NOL8: variants seen among roughly 807,000 people sequenced by gnomAD.
NOL8 encodes nucleolar protein Nop132.
A neutral mutation model predicts 116.1 loss-of-function variants in NOL8; 93 were observed. The observed-to-expected ratio is 0.80, with a 90% confidence interval of 0.68 to 0.95. NOL8 has a LOEUF of 0.95. NOL8 is among the 40% of genes least tolerant of loss of function. The probability of loss-of-function intolerance (pLI) is 0.00; values close to 1 mark genes in which losing one functional copy is unlikely to be tolerated. For missense variants in NOL8, 1,291 were observed against 1,382.8 expected, an observed-to-expected ratio of 0.93 and a Z score of 1.05; for synonymous variants, 419 against 469.0, an observed-to-expected ratio of 0.89 and a Z score of 1.38.
chr9:92,300,119 G>T, intron 13 of NOL8, 103 bp from the exon 14 acceptor site: 1 of 1,431,772 alleles, frequency 7.0e-7, no homozygotes, highest in South Asian at 1.6e-5. Context: ...CATATCTAAA[G>T]TTCCAATATG....
At position 92,314,715 on chromosome 9, in the gene NOL8, T is replaced by C. The variant is rs778517404; in HGVS notation, c.1910A>G (p.Asn637Ser). The C allele has an allele frequency of 2.5e-6, 4 of 1,613,790 alleles. No homozygotes were observed. Among genetic ancestry groups the C allele is most frequent in the Non-Finnish European group, 3.4e-6 (4 of 1,179,814 alleles). The change falls in exon 7 of 17, where the codon AAT (asparagine) becomes AGT (serine). Residue 637 changes from asparagine to serine, a missense_variant. By Grantham distance (46) the Asn-to-Ser change is conservative (BLOSUM62 1). Transcript: ENST00000442668. ...VTPCQHAKKA[N>S]GPNYIQPQKR... ...TTGAGGCTGAATATAGTTTGGGCCA[T>C]TCGCCTTCTTTGCATGTTGGCATGG...
rs1380344031 is a variant in NOL8 at position 92,300,113 on chromosome 9, T to C, written c.3176-97A>G. ...TGATTACTTTTACCACGTAGACATA[T>C]CTAAAGTTCCAATATGTTAATCATT... On this transcript the variant is annotated intron_variant, in intron 13 of 16. Coordinates refer to ENST00000442668, the MANE Select transcript of NOL8 (RefSeq NM_017948.6). 3.1e-5 allele frequency: 45 copies of C among 1,468,430 alleles called. No individual in the cohort carries two copies. The Middle Eastern group carries it at 7.2e-4, about 24-fold the overall frequency. The allele number at this position is 1,468,430 out of a possible 1,614,324, so 91.0% of individuals were successfully genotyped here. A position where few individuals can be genotyped will look rare whatever the true frequency, so the allele number is the denominator to read the frequency against.
chr9:92,299,229 CT>C (rs1564199981), intron 14 of NOL8, among the ~76,000 whole-genome samples: 1 of 152,070 alleles, frequency 6.6e-6, no homozygotes, highest in Non-Finnish European at 1.5e-5. Context: ...TCTATCTTTC[CT>C]GTGTTGGTTG....
intron 7 of NOL8, among the ~76,000 whole-genome samples, chr9:92,313,682 ACT>A (rs1270638685): frequency 2.6e-5 from 4 of 151,930 alleles, no homozygotes; most frequent in Non-Finnish European, 5.9e-5. Flanking sequence ...AAGCCTTTCC[ACT>A]CCCTTTCCAC....
intron 12 of NOL8, among the ~76,000 whole-genome samples, chr9:92,302,191 G>A (rs911736050): frequency 2.6e-5 from 4 of 152,170 alleles, no homozygotes; most frequent in African/African-American, 7.2e-5. Flanking sequence ...AAAACTGTAA[G>A]CCACATGACT....
chr9:92,310,787 G>A (rs1838705146), intron 8 of NOL8, 112 bp from the exon 9 acceptor site: 2 of 1,150,502 alleles, frequency 1.7e-6, no homozygotes, highest in South Asian at 3.3e-5. Context: ...TCATCTACCA[G>A]GAATGAGTAA....
At position 92,324,165 on chromosome 9, in the gene NOL8, G is replaced by A; in HGVS notation, c.-4C>T. ...TCGTTTCTCTGTTCACTTTCATGAA[G>A]GCTGGGCATATACTTGGGTGTGTTT... On this transcript the variant is annotated 5_prime_UTR_variant, in exon 2 of 17. Coordinates refer to ENST00000442668, the MANE Select transcript of NOL8 (RefSeq NM_017948.6). 6.2e-7 allele frequency: 1 copy of A among 1,612,988 alleles called. No individual in the cohort carries two copies.
intron 2 of NOL8, 104 bp downstream of exon 2, chr9:92,323,918 CT>C: frequency 1.6e-6 from 2 of 1,260,116 alleles, no homozygotes; most frequent in African/African-American, 1.5e-5. Flanking sequence ...TCACTTAAAA[CT>C]TTTGGTGTTC....
At chr9:92,325,204 A>C (rs1177955716) in intron 1 of NOL8, 102 bp downstream of exon 1, 1 of 152,262 alleles carries the variant, frequency 6.6e-6, no homozygotes, top group African/African-American at 2.4e-5. Context: ...CTCCGCCCCC[A>C]GCCTACCCAC....
intron 12 of NOL8, among the ~76,000 whole-genome samples, chr9:92,302,622 G>GT (rs1373050534): frequency 6.6e-6 from 1 of 152,202 alleles, no homozygotes; most frequent in African/African-American, 2.4e-5. Context: ...ATGGTAGGCA[G>GT]TTCCAAGTGA....
At chr9:92,304,840 T>A (rs1281465482) in intron 12 of NOL8, among the ~76,000 whole-genome samples, 2 of 152,176 alleles carry the variant, frequency 1.3e-5, no homozygotes, top group Non-Finnish European at 2.9e-5. Context: ...TTGATTTCAC[T>A]AGTTTCTCCA....
intron 9 of NOL8, 128 bp downstream of exon 9, chr9:92,310,425 T>C (rs762874888): frequency 3.0e-4 from 361 of 1,217,170 alleles, no homozygotes; most frequent in South Asian, 5.3e-4. Context: ...CACAGAAGAC[T>C]CACTCTCCAA....
chr9:92,308,400 A>C (rs1411816573), intron 10 of NOL8, among the ~76,000 whole-genome samples: 2 of 152,154 alleles, frequency 1.3e-5, no homozygotes, highest in Non-Finnish European at 2.9e-5. Context: ...GGAAAGAAAA[A>C]AACAACAACA....
At chr9:92,319,504 A>G in intron 4 of NOL8, 148 bp from the exon 5 acceptor site, 1 of 677,176 alleles carries the variant, frequency 1.5e-6, no homozygotes, top group Admixed American at 3.8e-5. Context: ...TCTTAGTAGC[A>G]TAATAGCTTA....
chr9:92,300,618 A>T, intron 13 of NOL8: 1 of 998,380 alleles, frequency 1.0e-6, no homozygotes, highest in Non-Finnish European at 1.2e-6. Flanking sequence ...TAGAAAAACT[A>T]TCGTTACTAT....
intron 12 of NOL8, among the ~76,000 whole-genome samples, chr9:92,303,344 A>AT (rs1361228615): frequency 6.6e-6 from 1 of 152,112 alleles, no homozygotes; most frequent in Non-Finnish European, 1.5e-5. Flanking sequence ...AAGTTAAGGA[A>AT]TTTTTTTTAT....
At chr9:92,325,219 G>A in intron 1 of NOL8, 87 bp downstream of exon 1, 1 of 152,362 alleles carries the variant, frequency 6.6e-6, no homozygotes, top group Non-Finnish European at 1.5e-5. Flanking sequence ...ACCCACGGCA[G>A]CCTTCTTTCT....
intron 15 of NOL8, 56 bp from the exon 16 acceptor site, chr9:92,298,392 TA>T: frequency 9.0e-7 from 1 of 1,113,688 alleles, no homozygotes; most frequent in Non-Finnish European, 1.3e-6. Flanking sequence ...AAATTGGTAA[TA>T]TTCTAAGTGT....
At chr9:92,317,002 G>A (rs780106778) in intron 6 of NOL8, among the ~76,000 whole-genome samples, 21 of 152,134 alleles carry the variant, frequency 1.4e-4, no homozygotes, top group Non-Finnish European at 2.8e-4. Context: ...ACCCAGGCTG[G>A]AGTGCCACGG....
Sources: allele counts gnomAD v4.1 joint callset (sites outside exome capture counted in the v4.1 genomes callset), GRCh38; gene constraint gnomAD v4.1.1; transcripts MANE v1.5; gene names NCBI Gene and HGNC (gene_info 2026-07-23, HGNC 2026-07-21).